CRYGN: variants seen among roughly 807,000 people sequenced by gnomAD.
CRYGN encodes the protein gamma-crystallin N.
A neutral mutation model predicts 19.2 loss-of-function variants in CRYGN; 17 were observed. The observed-to-expected ratio is 0.89, with a 90% CI of 0.61 to 1.33. The LOEUF (loss-of-function observed/expected upper bound fraction) is 1.33. CRYGN is among the 40% of genes most tolerant of loss of function. CRYGN has a pLI of 0.00. For missense variants in CRYGN, 239 were observed against 239.6 expected (o/e 1.00, Z 0.02); for synonymous variants, 84 against 85.8 (o/e 0.98, Z 0.12).
At chr7:151,434,481 G>A (rs943011910) in intron 3 of CRYGN, among the ~76,000 whole-genome samples, 1 of 152,296 alleles carries the variant, frequency 6.6e-6, no homozygotes, top group South Asian at 2.1e-4. Context: ...ATGCAATTTC[G>A]TAAAACGGAA....
rs1427876943 is a variant in CRYGN, at chr7:151,428,910, G to C, written c.*1138C>G. On this transcript the variant is annotated 3_prime_UTR_variant, in exon 4 of 4. Transcript: ENST00000337323. ...ACAGATTAGGGAGCAGGGGGCTGGG[G>C]TGAGGGGGAGGTCACCCAGGAGCAC... 1 of 152,540 alleles carries C rather than the reference G, an allele frequency of 6.6e-6. No individual in the cohort carries two copies. Among genetic ancestry groups the C allele is most frequent in the East Asian group, 1.9e-4 (1 of 5,188 alleles). 9.4% of individuals were successfully genotyped at this position (152,540 alleles called of 1,614,324 possible). A position where few individuals can be genotyped will look rare whatever the true frequency, so the allele number is the denominator to read the frequency against.
chr7:151,437,842 A>T (rs745599210), intron 2 of CRYGN, 154 bp downstream of exon 2: 50 of 1,505,438 alleles, frequency 3.3e-5, no homozygotes, highest in Non-Finnish European at 4.2e-5. Flanking sequence ...TACTCACCTC[A>T]TGCCAGCAGG....
In CRYGN at chr7:151,430,537, T is replaced by C. The variant is rs1801439763; in HGVS notation, c.417-357A>G. On this transcript the variant is annotated intron_variant, in intron 3 of 3. Coordinates refer to ENST00000337323, the MANE Select transcript of CRYGN (RefSeq NM_144727.3). The surrounding 1 kb of genome is among the most constrained non-coding windows in gnomAD (Gnocchi z 5.2). ...ACAGCCATCCCCTGGCCCACCACAC[T>C]CAGGCCACCACACTGTGCGACAGAA... Among the ~76,000 whole-genome samples the C allele has an allele frequency of 6.6e-6, 1 of 152,002 alleles. No homozygotes were observed. Among genetic ancestry groups the C allele is most frequent in the African/African-American group, 2.4e-5 (1 of 41,376 alleles).
rs1202294785 is a variant in CRYGN at position 151,435,710 on chromosome 7, G to A, written c.416+470C>T. On this transcript the variant is annotated intron_variant, in intron 3 of 3. Coordinates refer to ENST00000337323, the MANE Select transcript of CRYGN (RefSeq NM_144727.3). The surrounding 1 kb of genome is among the most constrained non-coding windows in gnomAD (Gnocchi z 4.2). Reference sequence around the variant, plus strand: ...GGGGTCAGCTCTGCGGGGTAGGCGCGGGGGCAGGGTGGGCTGGTCCACCCT... The same window carrying A: ...GGGGTCAGCTCTGCGGGGTAGGCGCAGGGGCAGGGTGGGCTGGTCCACCCT... Among the ~76,000 whole-genome samples the A allele has an allele frequency of 1.3e-5, 2 of 152,102 alleles. No homozygotes were observed. Among genetic ancestry groups the A allele is most frequent in the Admixed American group, 6.5e-5 (1 of 15,274 alleles).
Position 151,430,804 on chromosome 7 carries a change from C to A in CRYGN, c.417-624G>T, listed in dbSNP as rs533837732. Among the ~76,000 whole-genome samples the A allele has an allele frequency of 6.6e-6, 1 of 152,176 alleles. No homozygotes were observed. The highest frequency in any genetic ancestry group is 1.9e-4 in the East Asian group (1 of 5,194). ...AGTAAGATGTATGGTGAGGAGGACC[C>A]GGGAACTGAGAGGCCAGTCGGGAGC... On this transcript the variant is annotated intron_variant, in intron 3 of 3. Transcript: ENST00000337323. The surrounding 1 kb of genome is among the most constrained non-coding windows in gnomAD (Gnocchi z 5.2).
Position 151,430,162 on chromosome 7 carries a change from G to A in CRYGN, c.435C>T (p.Ser145=), listed in dbSNP as rs771313303. 3.9e-5 allele frequency: 63 copies of A among 1,613,904 alleles called. No individual in the cohort carries two copies. The South Asian group carries it at 6.1e-4, about 16-fold the overall frequency. ...TCAGCTGGAAGTCCTCAGCTCCGAA[G>A]CTTCTAGGGCTCCATGCTCTGTGGT... ...YGDGAAWSPR[S]FGAEDFQLSS... Residue 145 remains serine (S), a synonymous_variant, in exon 4 of 4, where the codon AGC becomes AGT. Coordinates refer to ENST00000337323, the MANE Select transcript of CRYGN (RefSeq NM_144727.3). The surrounding 1 kb of genome is among the most constrained non-coding windows in gnomAD (Gnocchi z 5.2).
Position 151,431,951 on chromosome 7 carries a change from G to T in CRYGN, c.417-1771C>A. ...CACTCTCCCCTCCCTGGCCCAGGGGGTCCCTGGGAGTCCGGGAAAGCGCCC... is the reference window on the plus strand; with the variant it reads ...CACTCTCCCCTCCCTGGCCCAGGGGTTCCCTGGGAGTCCGGGAAAGCGCCC... On this transcript the variant is annotated intron_variant, in intron 3 of 3. Coordinates refer to ENST00000337323, the MANE Select transcript of CRYGN (RefSeq NM_144727.3). The surrounding 1 kb of genome is among the most constrained non-coding windows in gnomAD (Gnocchi z 4.8). The T allele has an allele frequency of 5.5e-6, 2 of 363,480 alleles. No homozygotes were observed. Among genetic ancestry groups the T allele is most frequent in the Non-Finnish European group, 9.8e-6 (2 of 204,206 alleles). The allele number at this position is 363,480 out of a possible 1,614,324, so 22.5% of individuals were successfully genotyped here. A position where few individuals can be genotyped will look rare whatever the true frequency, so the allele number is the denominator to read the frequency against.
At position 151,436,132 on chromosome 7, in the gene CRYGN, G is replaced by T; in HGVS notation, c.416+48C>A. On this transcript the variant is annotated intron_variant, in intron 3 of 3. Coordinates refer to ENST00000337323, the MANE Select transcript of CRYGN (RefSeq NM_144727.3). The surrounding 1 kb of genome is among the most constrained non-coding windows in gnomAD (Gnocchi z 5.1). ...CGGGCAGCCTCCCACGCCTGGTGCTGAAGGGCCTAGCCGGGCCTCGGGGTG... is the reference window on the plus strand; with the variant it reads ...CGGGCAGCCTCCCACGCCTGGTGCTTAAGGGCCTAGCCGGGCCTCGGGGTG... The T allele has an allele frequency of 7.3e-7, 1 of 1,366,334 alleles. No individual in the cohort carries two copies. Among genetic ancestry groups the T allele is most frequent in the South Asian group, 2.0e-5 (1 of 49,636 alleles). The allele number at this position is 1,366,334 out of a possible 1,614,324, so 84.6% of individuals were successfully genotyped here.
Position 151,440,089 on chromosome 7 carries a change from C to T in CRYGN, c.-172G>A. Reference sequence around the variant, plus strand: ...TGGGACCCGCCGCGGCCACCCTGTGCCACCGCGAGTGCAGCCCGCCCTGCC... The same window carrying T: ...TGGGACCCGCCGCGGCCACCCTGTGTCACCGCGAGTGCAGCCCGCCCTGCC... On this transcript the variant is annotated 5_prime_UTR_variant, in exon 1 of 4. Coordinates refer to ENST00000337323, the MANE Select transcript of CRYGN (RefSeq NM_144727.3). 1 of 1,360,386 alleles carries T rather than the reference C, an allele frequency of 7.4e-7. No homozygotes were observed. The highest frequency in any genetic ancestry group is 9.4e-7 in the Non-Finnish European group (1 of 1,061,090). 84.3% of individuals were successfully genotyped at this position (1,360,386 alleles called of 1,614,324 possible). A position where few individuals can be genotyped will look rare whatever the true frequency, so the allele number is the denominator to read the frequency against.
In CRYGN at chr7:151,436,379, C is replaced by T. The variant is rs921673376; in HGVS notation, c.271-54G>A. ...GAAGGAGGTTGCTGTGAATTCCCCTCTCCCAGAAACAGAAGCCCCATGCAG... is the reference window on the plus strand; with the variant it reads ...GAAGGAGGTTGCTGTGAATTCCCCTTTCCCAGAAACAGAAGCCCCATGCAG... On this transcript the variant is annotated intron_variant, in intron 2 of 3. Coordinates refer to ENST00000337323, the MANE Select transcript of CRYGN (RefSeq NM_144727.3). The surrounding 1 kb of genome is among the most constrained non-coding windows in gnomAD (Gnocchi z 5.1). The T allele has an allele frequency of 3.4e-6, 5 of 1,451,156 alleles. No individual in the cohort carries two copies. In the African/African-American group the frequency reaches 7.2e-5, roughly 21 times the overall value. 89.9% of individuals were successfully genotyped at this position (1,451,156 alleles called of 1,614,324 possible).
At chr7:151,440,721 C>T (rs1801743301), upstream of CRYGN, 1 of 152,862 alleles carries the variant, frequency 6.5e-6, no homozygotes, top group African/African-American at 2.4e-5. Context: ...CCAACTAAGC[C>T]ACCCTGGACG....
At chr7:151,440,186 C>A (rs1012784478), upstream of CRYGN, 2 of 1,081,738 alleles carry the variant, frequency 1.8e-6, no homozygotes, top group Non-Finnish European at 2.4e-6. Flanking sequence ...GCCCAGCCCG[C>A]GGCTGCCCCT....
intron 1 of CRYGN, 22 bp downstream of exon 1, chr7:151,439,875 T>C: frequency 6.4e-7 from 1 of 1,554,916 alleles, no homozygotes. Context: ...TCGGTTTCCT[T>C]GGGGTTGAGG....
In CRYGN at chr7:151,440,022, A is replaced by G; in HGVS notation, c.-105T>C. ...TTTGCTGGGCCGGCCCCGGAGCGTTAGTGCTGTCGGGCGTGCTAAGCCCGA... is the reference window on the plus strand; with the variant it reads ...TTTGCTGGGCCGGCCCCGGAGCGTTGGTGCTGTCGGGCGTGCTAAGCCCGA... On this transcript the variant is annotated 5_prime_UTR_variant, in exon 1 of 4. Transcript: ENST00000337323. 7.2e-7 allele frequency: 1 copy of G among 1,396,086 alleles called. No homozygotes were observed. The highest frequency in any genetic ancestry group is 9.3e-7 in the Non-Finnish European group (1 of 1,072,784). 86.5% of individuals were successfully genotyped at this position (1,396,086 alleles called of 1,614,324 possible). A position where few individuals can be genotyped will look rare whatever the true frequency, so the allele number is the denominator to read the frequency against.
rs1801436297 is a variant in CRYGN, at chr7:151,430,391, C to G, written c.417-211G>C. Reference sequence around the variant, plus strand: ...CACAGCAGTCATGGGGCCCCTCCGTCTTTGCCACCCAGCTCTTGGTGGGGA... The same window carrying G: ...CACAGCAGTCATGGGGCCCCTCCGTGTTTGCCACCCAGCTCTTGGTGGGGA... On this transcript the variant is annotated intron_variant, in intron 3 of 3. Transcript: ENST00000337323. This position sits in a 1 kb window ranked among gnomAD's most constrained non-coding sequence, Gnocchi z 5.2. 6.6e-6 allele frequency among the ~76,000 whole-genome samples: 1 copy of G among 152,000 alleles called. No individual in the cohort carries two copies. The highest frequency in any genetic ancestry group is 6.6e-5 in the Admixed American group (1 of 15,266).
At position 151,430,769 on chromosome 7, in the gene CRYGN, A is replaced by C. The variant is rs1202510605; in HGVS notation, c.417-589T>G. Among the ~76,000 whole-genome samples, 1 of 152,204 alleles carries C rather than the reference A, an allele frequency of 6.6e-6. No individual in the cohort carries two copies. Among genetic ancestry groups the C allele is most frequent in the Non-Finnish European group, 1.5e-5 (1 of 68,038 alleles). On this transcript the variant is annotated intron_variant, in intron 3 of 3. Coordinates refer to ENST00000337323, the MANE Select transcript of CRYGN (RefSeq NM_144727.3). The surrounding 1 kb of genome is among the most constrained non-coding windows in gnomAD (Gnocchi z 5.2). ...CCAGTCCAAACCCCTCCATCTACTC[A>C]GAAAACTGGAGTAAGATGTATGGTG...
At position 151,439,913 on chromosome 7, in the gene CRYGN, G is replaced by T. The variant is rs766563562; in HGVS notation, c.5C>A (p.Ala2Glu). The T allele has an allele frequency of 6.5e-7, 1 of 1,547,652 alleles. No individual in the cohort carries two copies. The highest frequency in any genetic ancestry group is 1.2e-5 in the South Asian group (1 of 82,732). The change falls in exon 1 of 4, where the codon GCG becomes GAG. Residue 2 changes from alanine (A) to glutamate (E), a missense_variant. Physicochemically the swap from Ala to Glu is moderately radical, Grantham distance 107. Transcript: ENST00000337323. M[A>E]QRSGKITLYE... ...CGCACTCACCTTCCCCGAGCGCTGC[G>T]CCATGGTGCGCCCCGCCCCTTCCGC...
At position 151,429,464 on chromosome 7, in the gene CRYGN, G is replaced by A. The variant is rs1288435224; in HGVS notation, c.*584C>T. The A allele has an allele frequency of 6.1e-6, 1 of 164,118 alleles. No individual in the cohort carries two copies. The highest frequency in any genetic ancestry group is 2.4e-5 in the African/African-American group (1 of 41,586). The allele number at this position is 164,118 out of a possible 1,614,324, so 10.2% of individuals were successfully genotyped here. ...GGTCTGAGGCCTGGAGAGGCTTTGG[G>A]TTTGCGCCAAATTCATGACAAAAAT... On this transcript the variant is annotated 3_prime_UTR_variant, in exon 4 of 4. Coordinates refer to ENST00000337323, the MANE Select transcript of CRYGN (RefSeq NM_144727.3).
In CRYGN at chr7:151,430,216, C is replaced by CA; in HGVS notation, c.417-37dup. 1 of 1,611,448 alleles carries CA rather than the reference C, an allele frequency of 6.2e-7. No individual in the cohort carries two copies. The highest frequency in any genetic ancestry group is 1.1e-5 in the South Asian group (1 of 90,932). On this transcript the variant is annotated intron_variant, in intron 3 of 3. Transcript: ENST00000337323. The surrounding 1 kb of genome is among the most constrained non-coding windows in gnomAD (Gnocchi z 5.2). ...CAGGTGAAAGGAGGTGGGGCCAGGG[C>CA]ATTAGGGGTACAGAGCAGGCCTTTT...
Sources: allele counts gnomAD v4.1 joint callset (sites outside exome capture counted in the v4.1 genomes callset), GRCh38; gene constraint gnomAD v4.1.1; non-coding constraint Gnocchi (gnomAD v3.1); transcripts MANE v1.5; gene names NCBI Gene and HGNC (gene_info 2026-07-23, HGNC 2026-07-21).